PARD3: variants seen among roughly 807,000 people sequenced by gnomAD.
PARD3 encodes the protein par-3 family cell polarity regulator.
A neutral mutation model predicts 155.4 loss-of-function variants in PARD3; 75 were observed. The ratio of observed to expected loss-of-function variants is 0.48; its 90% CI spans 0.40 to 0.58. The LOEUF (loss-of-function observed/expected upper bound fraction) is 0.58, where lower values mean the gene tolerates loss of function less well. PARD3 is among the 20% of genes least tolerant of loss of function. The pLI, the probability that PARD3 is intolerant of heterozygous loss-of-function variation, is 0.00. For missense variants in PARD3, 1,642 were observed against 1,721.7 expected (o/e 0.95, Z 0.82); for synonymous variants, 576 against 610.5 (o/e 0.94, Z 0.83).
At chr10:34,563,831 T>C (rs912046108) in intron 2 of PARD3, among the ~76,000 whole-genome samples, 11 of 152,162 alleles carry the variant, frequency 7.2e-5, no homozygotes, top group Admixed American at 6.5e-4. Flanking sequence ...ACCGAATCCA[T>C]GTATATTTAA....
chr10:34,583,458 T>A (rs2087692864), intron 2 of PARD3, among the ~76,000 whole-genome samples: 1 of 152,172 alleles, frequency 6.6e-6, no homozygotes. Context: ...TTTTTTTAAT[T>A]TTTGCCTTTG....
At chr10:34,279,210 A>G (rs1307128633) in intron 21 of PARD3, among the ~76,000 whole-genome samples, 1 of 146,232 alleles carries the variant, frequency 6.8e-6, no homozygotes, top group Non-Finnish European at 1.5e-5. Flanking sequence ...GCAGTGGCAC[A>G]ACCACAGCAG....
chr10:34,658,116 A>G (rs1204419113), intron 2 of PARD3, among the ~76,000 whole-genome samples: 1 of 151,562 alleles, frequency 6.6e-6, no homozygotes, highest in African/African-American at 2.4e-5. Flanking sequence ...ACTGCACTCC[A>G]GCCTGGGCGA....
intron 2 of PARD3, among the ~76,000 whole-genome samples, chr10:34,661,719 A>G (rs181664664): frequency 8.7e-4 from 132 of 152,328 alleles, no homozygotes; most frequent in Middle Eastern, 6.8e-3. Context: ...TCAATGGTCT[A>G]TAATTAAAGA....
At chr10:34,482,032 CTTTTTTTTTT>C (rs58877037) in intron 3 of PARD3, among the ~76,000 whole-genome samples, 6 of 101,598 alleles carry the variant, frequency 5.9e-5, no homozygotes, top group Non-Finnish European at 8.9e-5. Context: ...TAATTTTTAT[CTTTTTTTTTT>C]TTTTTTTTTT....
chr10:34,622,501 T>A (rs1468392290), intron 2 of PARD3, among the ~76,000 whole-genome samples: 1 of 152,208 alleles, frequency 6.6e-6, no homozygotes, highest in African/African-American at 2.4e-5. Context: ...TTCAAAAATA[T>A]TTGTCACAAG....
chr10:34,399,248 C>A, intron 7 of PARD3, 82 bp downstream of exon 7: 2 of 900,518 alleles, frequency 2.2e-6, no homozygotes, highest in South Asian at 2.7e-5. Context: ...TATGCTAAGT[C>A]AACACCACTC....
At chr10:34,178,399 C>T (rs2799455) in intron 22 of PARD3, among the ~76,000 whole-genome samples, 33,486 of 152,038 alleles carry the variant, frequency 0.22, 3,849 homozygotes, top group Middle Eastern at 0.34. Context: ...CACTTTGCAC[C>T]ACAAAGACGG....
intron 3 of PARD3, among the ~76,000 whole-genome samples, chr10:34,496,079 G>A (rs1490683990): frequency 6.6e-6 from 1 of 151,978 alleles, no homozygotes; most frequent in Non-Finnish European, 1.5e-5. Flanking sequence ...GTGTGCGCCT[G>A]TAGTCCCAGC....
In PARD3 at chr10:34,777,386, C is replaced by T. The variant is rs544496272; in HGVS notation, c.120+37490G>A. On this transcript the variant is annotated intron_variant, in intron 1 of 24. Coordinates refer to ENST00000374788, the MANE Select transcript of PARD3 (RefSeq NM_001184785.2). ...CTGAGAGGAGTTGAGAAGGCCTTCCCTGCAGCCCCATGTCCTCACATATGT... is the reference window on the plus strand; with the variant it reads ...CTGAGAGGAGTTGAGAAGGCCTTCCTTGCAGCCCCATGTCCTCACATATGT... Among the ~76,000 whole-genome samples, 12 of 152,272 alleles carry T rather than the reference C, an allele frequency of 7.9e-5. No individual in the cohort carries two copies. In the South Asian group the frequency reaches 2.5e-3, roughly 32 times the overall value.
intron 5 of PARD3, among the ~76,000 whole-genome samples, chr10:34,427,400 A>T (rs2075671732): frequency 6.6e-6 from 1 of 152,226 alleles, no homozygotes; most frequent in Non-Finnish European, 1.5e-5. Flanking sequence ...AACACTCCCT[A>T]GTCTCCTGCA....
At chr10:34,497,914 T>C (rs570691646) in intron 3 of PARD3, among the ~76,000 whole-genome samples, 2 of 152,278 alleles carry the variant, frequency 1.3e-5, no homozygotes, top group South Asian at 4.1e-4. Flanking sequence ...ACAGTTGCAT[T>C]TTACCCACAC....
chr10:34,612,350 T>C (rs1046672670), intron 2 of PARD3, among the ~76,000 whole-genome samples: 3 of 152,192 alleles, frequency 2.0e-5, no homozygotes, highest in African/African-American at 7.2e-5. Context: ...TATACACACA[T>C]TTTCCCTATC....
At chr10:34,813,429 T>C (rs1844465047) in intron 1 of PARD3, among the ~76,000 whole-genome samples, 1 of 152,164 alleles carries the variant, frequency 6.6e-6, no homozygotes, top group Admixed American at 6.5e-5. Context: ...ATGCTAAATG[T>C]CCATTTAGAT....
chr10:34,623,933 A>C (rs541461969), intron 2 of PARD3, among the ~76,000 whole-genome samples: 94 of 151,200 alleles, frequency 6.2e-4, no homozygotes, highest in Middle Eastern at 3.4e-3. Context: ...GTGAGCTGAG[A>C]TCTACCACTG....
intron 21 of PARD3, among the ~76,000 whole-genome samples, chr10:34,279,801 G>A (rs149864347): frequency 3.9e-4 from 60 of 152,254 alleles, no homozygotes; most frequent in African/African-American, 1.4e-3. Flanking sequence ...GTCTGGTATT[G>A]AAAACACAAG....
At chr10:34,294,522 A>G (rs1956818162) in intron 20 of PARD3, among the ~76,000 whole-genome samples, 1 of 152,252 alleles carries the variant, frequency 6.6e-6, no homozygotes, top group Admixed American at 6.5e-5. Flanking sequence ...GGTGACCGTC[A>G]GCACTTTTTT....
chr10:34,589,404 T>C (rs1425414172), intron 2 of PARD3, among the ~76,000 whole-genome samples: 1 of 152,000 alleles, frequency 6.6e-6, no homozygotes. Context: ...ATGAGGTCAT[T>C]AGAGTGGGCC....
chr10:34,276,161 A>AC (rs1003857559), intron 21 of PARD3, among the ~76,000 whole-genome samples: 1 of 152,008 alleles, frequency 6.6e-6, no homozygotes, highest in African/African-American at 2.4e-5. Context: ...AACAATTAAA[A>AC]CCTTTTATCA....
Sources: allele counts gnomAD v4.1 joint callset (sites outside exome capture counted in the v4.1 genomes callset), GRCh38; gene constraint gnomAD v4.1.1; transcripts MANE v1.5; gene names NCBI Gene and HGNC (gene_info 2026-07-23, HGNC 2026-07-21).